Variants in MAPK10 observed in about 807,000 individuals in gnomAD.
MAPK10 encodes JNK3 alpha protein kinase.
In MAPK10, 25 loss-of-function variants were observed where a neutral mutation model predicts 59.3. The observed-to-expected ratio is 0.42, with a 90% confidence interval of 0.31 to 0.59. MAPK10 has a LOEUF of 0.59. Among genes scored for constraint, MAPK10 ranks in the 20% least tolerant of loss-of-function variants. MAPK10 has a pLI of 0.15. For synonymous variants in MAPK10, 190 were observed against 200.5 expected (o/e 0.95, Z 0.44); for missense variants, 351 against 568.9 (o/e 0.62, Z 3.90).
chr4:86,408,136 T>G (rs1257854254), intron 1 of MAPK10, among the ~76,000 whole-genome samples: 1 of 147,126 alleles, frequency 6.8e-6, no homozygotes, highest in Non-Finnish European at 1.5e-5. Context: ...CATCTATGAG[T>G]GAGAACATGC....
At chr4:86,393,816 C>G (rs1564791697) in intron 1 of MAPK10, among the ~76,000 whole-genome samples, 1 of 152,200 alleles carries the variant, frequency 6.6e-6, no homozygotes, top group East Asian at 1.9e-4. Flanking sequence ...CACAGTAACT[C>G]TCTCCCTGAC....
chr4:86,310,399 T>G (rs1177958820), intron 2 of MAPK10, among the ~76,000 whole-genome samples: 6 of 152,182 alleles, frequency 3.9e-5, no homozygotes, highest in Non-Finnish European at 5.9e-5. Flanking sequence ...CTAAGTGAAT[T>G]TGCAATGCCC....
At chr4:86,326,295 G>C (rs2096021319) in intron 2 of MAPK10, 1 of 152,204 alleles carries the variant, frequency 6.6e-6, no homozygotes, top group Admixed American at 6.6e-5. Flanking sequence ...GCTTTAAAAT[G>C]TCGGCTTTAT....
intron 1 of MAPK10, among the ~76,000 whole-genome samples, chr4:86,356,146 G>C (rs1281599944): frequency 2.0e-5 from 3 of 152,162 alleles, no homozygotes; most frequent in African/African-American, 7.2e-5. Flanking sequence ...TTGCCTTATA[G>C]GGAAGCTTTG....
upstream of MAPK10, among the ~76,000 whole-genome samples, chr4:86,363,100 G>A (rs1004524381): frequency 6.6e-6 from 1 of 152,056 alleles, no homozygotes; most frequent in Non-Finnish European, 1.5e-5. Flanking sequence ...CATGTTCATG[G>A]GTTCCACATC....
At chr4:86,184,315 G>T (rs986535814) in intron 3 of MAPK10, among the ~76,000 whole-genome samples, 4 of 152,046 alleles carry the variant, frequency 2.6e-5, no homozygotes, top group East Asian at 1.9e-4. Flanking sequence ...CAAGTAAATG[G>T]CTAGGATAAT....
intron 1 of MAPK10, among the ~76,000 whole-genome samples, chr4:86,359,288 C>CTCTCTGTGTGTG (rs796310826): frequency 6.3e-5 from 6 of 94,604 alleles, no homozygotes; most frequent in African/African-American, 3.2e-4. Context: ...CTCTCTCTCT[C>CTCTCTGTGTGTG]TGTGTGTGTG....
intron 1 of MAPK10, among the ~76,000 whole-genome samples, chr4:86,556,761 T>G (rs1760301521): frequency 6.6e-6 from 1 of 152,150 alleles, no homozygotes; most frequent in Non-Finnish European, 1.5e-5. Flanking sequence ...AAAGGGTAAC[T>G]AAACCAAATG....
Position 86,068,025 on chromosome 4 carries a change from T to G in MAPK10, c.803-70A>C, listed in dbSNP as rs967933903. The G allele has an allele frequency of 2.8e-5, 29 of 1,046,298 alleles. No homozygotes were observed. In the African/African-American group the frequency reaches 4.1e-4, roughly 15 times the overall value. 64.8% of individuals were successfully genotyped at this position (1,046,298 alleles called of 1,614,324 possible). A position where few individuals can be genotyped will look rare whatever the true frequency, so the allele number is the denominator to read the frequency against. Reference sequence around the variant, plus strand: ...GCCTTTCAACAATTGGGAGACTAACTCTTCTCAAAGTCCTCAACAGTCATT... The same window carrying G: ...GCCTTTCAACAATTGGGAGACTAACGCTTCTCAAAGTCCTCAACAGTCATT... On this transcript the variant is annotated intron_variant, in intron 9 of 13. Transcript: ENST00000641462.
At chr4:86,293,092 T>A (rs1310443742) in intron 2 of MAPK10, among the ~76,000 whole-genome samples, 2 of 152,220 alleles carry the variant, frequency 1.3e-5, no homozygotes, top group African/African-American at 4.8e-5. Flanking sequence ...TAAAATTCAC[T>A]GAGTCTTCAG....
chr4:86,405,272 T>C (rs1466671956), intron 1 of MAPK10, among the ~76,000 whole-genome samples: 1 of 152,200 alleles, frequency 6.6e-6, no homozygotes, highest in East Asian at 1.9e-4. Context: ...TAATTTTATA[T>C]AGCAACAGAA....
At chr4:86,394,278 A>AT (rs1248148315) in intron 1 of MAPK10, among the ~76,000 whole-genome samples, 2 of 151,266 alleles carry the variant, frequency 1.3e-5, no homozygotes, top group African/African-American at 4.9e-5. Flanking sequence ...CAAAAAAAAA[A>AT]GAAAGAAAGA....
chr4:86,535,639 A>C (rs1758184364), intron 1 of MAPK10, among the ~76,000 whole-genome samples: 1 of 151,394 alleles, frequency 6.6e-6, no homozygotes, highest in South Asian at 2.1e-4. Flanking sequence ...AAATGAGTGT[A>C]CTTTTTTTTG....
intron 1 of MAPK10, among the ~76,000 whole-genome samples, chr4:86,377,131 G>T (rs1170767338): frequency 1.3e-5 from 2 of 152,198 alleles, no homozygotes; most frequent in Non-Finnish European, 2.9e-5. Context: ...GGAGATTAAA[G>T]AAGTCTTTCA....
chr4:86,172,118 T>G (rs1172738379), intron 3 of MAPK10, among the ~76,000 whole-genome samples: 1 of 135,962 alleles, frequency 7.4e-6, no homozygotes, highest in East Asian at 1.9e-4. Context: ...ACTTTTACAC[T>G]GTTGGTGGGA....
rs189393770 is a variant in MAPK10, at chr4:86,510,820, C to T, written c.-263+83090G>A. On this transcript the variant is annotated intron_variant, in intron 1 of 4. Coordinates refer to the MAPK10 transcript ENST00000502302. Reference sequence around the variant, plus strand: ...AATATAGCACGTTCTCATTCATATACGAAAGCAAAAAAATTGGCTCTCATG... The same window carrying T: ...AATATAGCACGTTCTCATTCATATATGAAAGCAAAAAAATTGGCTCTCATG... Among the ~76,000 whole-genome samples the T allele has an allele frequency of 2.2e-3, 336 of 151,944 alleles. 1 individual carries two copies. The highest frequency in any genetic ancestry group is 3.8e-3 in the Non-Finnish European group (257 of 67,976).
chr4:86,314,186 C>T (rs1230987236), intron 2 of MAPK10, among the ~76,000 whole-genome samples: 1 of 152,154 alleles, frequency 6.6e-6, no homozygotes, highest in Non-Finnish European at 1.5e-5. Context: ...AAGGTATTGA[C>T]TGCAAGGAGG....
intron 1 of MAPK10, among the ~76,000 whole-genome samples, chr4:86,548,977 T>C (rs1241635155): frequency 1.3e-5 from 2 of 152,206 alleles, no homozygotes; most frequent in Non-Finnish European, 2.9e-5. Context: ...TGATTCCCAT[T>C]CTAGAGCAAA....
intron 1 of MAPK10, among the ~76,000 whole-genome samples, chr4:86,474,150 A>C (rs747845045): frequency 1.1e-4 from 16 of 152,212 alleles, no homozygotes; most frequent in Non-Finnish European, 2.1e-4. Context: ...ACAGGGTTTC[A>C]GTTTTATTCA....
Sources: allele counts gnomAD v4.1 joint callset (sites outside exome capture counted in the v4.1 genomes callset), GRCh38; gene constraint gnomAD v4.1.1; transcripts MANE v1.5; gene names NCBI Gene and HGNC (gene_info 2026-07-23, HGNC 2026-07-21).